The following NRXN1 variants were observed in gnomAD, a reference collection of about 807,000 sequenced individuals.
NRXN1 encodes neurexin-1.
A neutral mutation model predicts 150.9 loss-of-function variants in NRXN1; 39 were observed. The observed-to-expected ratio is 0.26, with a 90% CI of 0.20 to 0.34. The LOEUF (loss-of-function observed/expected upper bound fraction) is 0.34. Among genes scored for constraint, NRXN1 ranks in the 10% least tolerant of loss-of-function variants. The probability of loss-of-function intolerance (pLI) is 1.00; values close to 1 mark genes in which losing one functional copy is unlikely to be tolerated. For synonymous variants in NRXN1, 924 were observed against 757.0 expected, an observed-to-expected ratio of 1.22 and a Z score of -3.62; for missense variants, 1,815 against 1,949.9, an observed-to-expected ratio of 0.93 and a Z score of 1.30.
At chr2:50,845,435 G>A (rs551300432) in intron 5 of NRXN1, among the ~76,000 whole-genome samples, 2 of 152,252 alleles carry the variant, frequency 1.3e-5, no homozygotes, top group African/African-American at 2.4e-5. Flanking sequence ...ATAGGTTAGG[G>A]AACCATCCCT....
At chr2:50,458,556 A>C (rs2087824684) in intron 17 of NRXN1, among the ~76,000 whole-genome samples, 1 of 151,748 alleles carries the variant, frequency 6.6e-6, no homozygotes, top group Admixed American at 6.6e-5. Context: ...TACCCCCTAA[A>C]TATGTACAAC....
chr2:50,698,154 C>T (rs1474191532), intron 5 of NRXN1, among the ~76,000 whole-genome samples: 2 of 152,232 alleles, frequency 1.3e-5, no homozygotes, highest in African/African-American at 4.8e-5. Context: ...CTGTACTTCC[C>T]ACCCGTACAG....
intron 12 of NRXN1, among the ~76,000 whole-genome samples, chr2:50,526,974 A>ACGAGT (rs2092969053): frequency 6.6e-6 from 1 of 152,324 alleles, no homozygotes; most frequent in East Asian, 1.9e-4. Flanking sequence ...GGGTAATTAT[A>ACGAGT]CTATAAACAT....
rs188524753 is a variant in NRXN1 at position 50,806,110 on chromosome 2, A to G, written c.832+115759T>C. 8.6e-4 allele frequency among the ~76,000 whole-genome samples: 131 copies of G among 152,348 alleles called. 1 individual carries two copies. The highest frequency in any genetic ancestry group is 2.9e-3 in the African/African-American group (119 of 41,588). ...TTAAAATCCACATTCCTTGCTATAC[A>G]TAATCTGAAACCACTGTAAAAGTAC... On this transcript the variant is annotated intron_variant, in intron 5 of 22. Transcript: ENST00000401669.
chr2:50,108,639 T>A (rs1379276889), intron 18 of NRXN1, among the ~76,000 whole-genome samples: 1 of 152,136 alleles, frequency 6.6e-6, no homozygotes, highest in African/African-American at 2.4e-5. Context: ...AAGTTCACTA[T>A]GCATTTTTGA....
At chr2:50,340,798 G>A (rs1435127080) in intron 17 of NRXN1, among the ~76,000 whole-genome samples, 1 of 152,110 alleles carries the variant, frequency 6.6e-6, no homozygotes, top group Non-Finnish European at 1.5e-5. Flanking sequence ...CATTATTATT[G>A]AGATTGTTAA....
chr2:50,028,508 A>T (rs1336984603), intron 21 of NRXN1, among the ~76,000 whole-genome samples: 1 of 152,208 alleles, frequency 6.6e-6, no homozygotes, highest in Non-Finnish European at 1.5e-5. Context: ...TGTCCTACTG[A>T]ATATTATATA....
At chr2:50,739,275 A>C (rs1036453905) in intron 5 of NRXN1, 1 of 502,772 alleles carries the variant, frequency 2.0e-6, no homozygotes, top group Non-Finnish European at 4.0e-6. Context: ...TTTTGATTAA[A>C]AAGTATGTAT....
chr2:50,313,111 G>A (rs185650038), intron 17 of NRXN1, among the ~76,000 whole-genome samples: 3 of 152,172 alleles, frequency 2.0e-5, no homozygotes, highest in South Asian at 4.2e-4. Flanking sequence ...TTTAGGTCAG[G>A]AATTTTTTTC....
chr2:50,131,035 T>C (rs1041580669), intron 18 of NRXN1, among the ~76,000 whole-genome samples: 7 of 152,244 alleles, frequency 4.6e-5, no homozygotes, highest in African/African-American at 1.7e-4. Context: ...TATTCCTTCT[T>C]GAAACCATGT....
chr2:49,999,574 A>G (rs1392187943), intron 21 of NRXN1, among the ~76,000 whole-genome samples: 4 of 152,144 alleles, frequency 2.6e-5, no homozygotes, highest in African/African-American at 9.7e-5. Context: ...TGTTGCATCA[A>G]TTTTTCAAAT....
chr2:50,486,671 G>A (rs1458347403), intron 15 of NRXN1, among the ~76,000 whole-genome samples: 1 of 152,062 alleles, frequency 6.6e-6, no homozygotes, highest in African/African-American at 2.4e-5. Flanking sequence ...AGTGGGGCAT[G>A]AGGAGGGGAG....
intron 18 of NRXN1, among the ~76,000 whole-genome samples, chr2:50,125,626 T>C (rs1704473058): frequency 6.6e-6 from 1 of 152,150 alleles, no homozygotes; most frequent in African/African-American, 2.4e-5. Context: ...TTGGCTTTAA[T>C]ATTAATATTT....
At chr2:50,612,077 A>G (rs1481627733) in intron 8 of NRXN1, among the ~76,000 whole-genome samples, 1 of 152,184 alleles carries the variant, frequency 6.6e-6, no homozygotes. Context: ...ACGGGGAGCA[A>G]CACAGAGTGG....
intron 19 of NRXN1, among the ~76,000 whole-genome samples, chr2:50,067,944 C>A (rs1479451510): frequency 6.6e-6 from 1 of 152,180 alleles, no homozygotes; most frequent in Non-Finnish European, 1.5e-5. Context: ...GAAATTTCTA[C>A]ACTCCATTAT....
At chr2:50,911,149 A>G (rs1356855284) in intron 5 of NRXN1, among the ~76,000 whole-genome samples, 1 of 152,014 alleles carries the variant, frequency 6.6e-6, no homozygotes, top group African/African-American at 2.4e-5. Flanking sequence ...CACATGCAAT[A>G]TGTAACCATC....
chr2:50,275,427 C>A (rs1298304313), intron 17 of NRXN1, among the ~76,000 whole-genome samples: 1 of 151,956 alleles, frequency 6.6e-6, no homozygotes, highest in Non-Finnish European at 1.5e-5. Flanking sequence ...TTATTAAAGA[C>A]AAATATTCAT....
At chr2:50,470,880 G>C (rs1030011455) in intron 16 of NRXN1, among the ~76,000 whole-genome samples, 1 of 151,742 alleles carries the variant, frequency 6.6e-6, no homozygotes, top group Non-Finnish European at 1.5e-5. Context: ...GTCTGATAGA[G>C]AGCACAAAAG....
At chr2:50,232,943 G>C (rs1475522739) in intron 18 of NRXN1, among the ~76,000 whole-genome samples, 1 of 151,980 alleles carries the variant, frequency 6.6e-6, no homozygotes, top group Non-Finnish European at 1.5e-5. Context: ...TTTAAGATTT[G>C]AAGCTTCTCA....
Sources: gnomAD v4.1 joint callset for allele counts (sites outside exome capture counted in the v4.1 genomes callset) on GRCh38, gnomAD v4.1.1 for gene constraint, MANE v1.5 for transcripts, NCBI Gene and HGNC (gene_info 2026-07-23, HGNC 2026-07-21) for gene names.